Variants in GLYATL1 observed in about 807,000 individuals in gnomAD.
GLYATL1 encodes glycine N-acyltransferase-like protein 1.
In GLYATL1, 15 loss-of-function variants were observed where a neutral mutation model predicts 20.0. That is an observed-to-expected ratio of 0.75 (90% CI 0.50 to 1.15). The LOEUF is 1.15. Among genes scored for constraint, GLYATL1 ranks in the 50% most tolerant of loss-of-function variants. The pLI is 0.00. For missense variants in GLYATL1, 380 were observed against 368.5 expected (o/e 1.03, Z -0.26); for synonymous variants, 151 against 131.5 (o/e 1.15, Z -1.01).
At chr11:58,912,535 C>T (rs1006767464), downstream of GLYATL1, among the ~76,000 whole-genome samples, 4 of 152,220 alleles carry the variant, frequency 2.6e-5, no homozygotes, top group Admixed American at 6.5e-5. Context: ...CACAGATGTA[C>T]TCATGTCTCC....
chr11:58,956,181 C>G lies in GLYATL1; in HGVS notation c.*154C>G, dbSNP rs1433247436. The G allele has an allele frequency of 2.9e-6, 2 of 698,758 alleles. No individual in the cohort carries two copies. The highest frequency in any genetic ancestry group is 5.4e-5 in the East Asian group (2 of 36,946). 43.3% of individuals were successfully genotyped at this position (698,758 alleles called of 1,614,324 possible). On this transcript the variant is annotated 3_prime_UTR_variant, in exon 7 of 7. Coordinates refer to ENST00000532726, the MANE Select transcript of GLYATL1 (RefSeq NM_001389712.2). ...GAGCCTTGATGTTAAAAGACACAGCCATGCTCTTGAGGAGCTTACAATCCT... is the reference window on the plus strand; with the variant it reads ...GAGCCTTGATGTTAAAAGACACAGCGATGCTCTTGAGGAGCTTACAATCCT...
At position 58,955,945 on chromosome 11, in the gene GLYATL1, T is replaced by C; in HGVS notation, c.827T>C (p.Phe276Ser). 2 of 1,614,198 alleles carry C rather than the reference T, an allele frequency of 1.2e-6. No individual in the cohort carries two copies. Among genetic ancestry groups the C allele is most frequent in the East Asian group, 2.2e-5 (1 of 44,890 alleles). ...GAAGAAAATGAAGACTCCCGCAGAT[T>C]TGTGGGGCAGTTTGGTTTCTTTGAG... ...VLEENEDSRR[F>S]VGQFGFFEAS... is the part of the protein sequence containing the mutation. The change falls in exon 7 of 7, where the codon TTT becomes TCT. Residue 276 changes from phenylalanine (F) to serine (S), a missense_variant. Coordinates refer to ENST00000532726, the MANE Select transcript of GLYATL1 (RefSeq NM_001389712.2).
At chr11:58,953,129 G>A (rs1470581820) in intron 4 of GLYATL1, among the ~76,000 whole-genome samples, 1 of 152,132 alleles carries the variant, frequency 6.6e-6, no homozygotes, top group Non-Finnish European at 1.5e-5. Flanking sequence ...GTCCTTTGTA[G>A]CAACATGGCT....
chr11:58,940,464 C>G (rs56155456), intron 1 of GLYATL1, among the ~76,000 whole-genome samples: 25,693 of 151,950 alleles, frequency 0.17, 2,396 homozygotes, highest in East Asian at 0.31. Flanking sequence ...GTATGTATGT[C>G]TAGATGTGTT....
upstream of GLYATL1, among the ~76,000 whole-genome samples, chr11:58,924,549 T>G (rs1275167616): frequency 6.6e-6 from 1 of 152,250 alleles, no homozygotes; most frequent in Non-Finnish European, 1.5e-5. Context: ...GGCACCATTC[T>G]GAGTGAATCC....
chr11:58,943,949 T>A (rs1282180982), intron 2 of GLYATL1, among the ~76,000 whole-genome samples: 3 of 64,870 alleles, frequency 4.6e-5, no homozygotes. Context: ...CCCCTTTGTT[T>A]CTTTTCTTTT....
chr11:58,908,499 A>G lies in GLYATL1; in HGVS notation n.1497A>G, dbSNP rs193077472. The G allele has an allele frequency of 1.4e-5, 3 of 212,118 alleles. No homozygotes were observed. The East Asian group carries it at 3.4e-4, about 24-fold the overall frequency. 13.1% of individuals were successfully genotyped at this position (212,118 alleles called of 1,614,324 possible). A position where few individuals can be genotyped will look rare whatever the true frequency, so the allele number is the denominator to read the frequency against. On this transcript the variant is annotated non_coding_transcript_exon_variant, in exon 2 of 2. Transcript: ENST00000524629. ...CCATGAAGACTGAAGGGAACAAGTC[A>G]TTTAGTGCTACAGAGGATGACCAGA...
intron 1 of GLYATL1, among the ~76,000 whole-genome samples, chr11:58,929,437 C>T (rs1009612226): frequency 7.9e-5 from 12 of 152,142 alleles, no homozygotes; most frequent in Admixed American, 4.6e-4. Flanking sequence ...TTAAACCAAC[C>T]TTGCATAACT....
exon 2 of GLYATL1, chr11:58,907,531 AC>A: frequency 2.7e-6 from 1 of 363,878 alleles, no homozygotes; most frequent in South Asian, 2.1e-5. Flanking sequence ...AGTCCCTGTT[AC>A]TCCATTTTGG....
chr11:58,929,838 C>T (rs1468223323), intron 1 of GLYATL1, among the ~76,000 whole-genome samples: 1 of 152,192 alleles, frequency 6.6e-6, no homozygotes, highest in African/African-American at 2.4e-5. Flanking sequence ...TTCCTCAACT[C>T]AGTTGCAAAT....
chr11:58,917,387 G>A (rs537471634), intron 1 of GLYATL1: 1 of 152,346 alleles, frequency 6.6e-6, no homozygotes, highest in Admixed American at 6.5e-5. Flanking sequence ...ACTGGTCCCA[G>A]AACAAAGACA....
At chr11:58,915,065 T>G (rs1458716206) in intron 1 of GLYATL1, among the ~76,000 whole-genome samples, 2 of 152,192 alleles carry the variant, frequency 1.3e-5, no homozygotes, top group African/African-American at 4.8e-5. Flanking sequence ...TTCCCCTTTA[T>G]TATTCCTCAG....
chr11:58,909,481 C>G (rs921193305), downstream of GLYATL1, among the ~76,000 whole-genome samples: 12 of 152,140 alleles, frequency 7.9e-5, no homozygotes, highest in Non-Finnish European at 1.3e-4. Flanking sequence ...GATAATGTAT[C>G]TCCACACTCA....
At chr11:58,943,777 G>T in intron 2 of GLYATL1, 111 bp downstream of exon 2, 15 of 1,470,208 alleles carry the variant, frequency 1.0e-5, no homozygotes, top group Non-Finnish European at 1.4e-5. Flanking sequence ...ACAGGAAACA[G>T]ACTGGGTCTA....
chr11:58,952,333 T>C (rs1386792438), intron 4 of GLYATL1, among the ~76,000 whole-genome samples: 2 of 152,226 alleles, frequency 1.3e-5, no homozygotes, highest in Non-Finnish European at 2.9e-5. Flanking sequence ...CAACTGTTCA[T>C]ATTCACATTT....
chr11:58,955,047 G>C, intron 5 of GLYATL1, 129 bp from the exon 6 acceptor site: 1 of 1,209,278 alleles, frequency 8.3e-7, no homozygotes, highest in Non-Finnish European at 1.2e-6. Flanking sequence ...GGTGTGACAA[G>C]GACTCCATCT....
chr11:58,926,598 C>A (rs1380199391), upstream of GLYATL1, among the ~76,000 whole-genome samples: 1 of 152,088 alleles, frequency 6.6e-6, no homozygotes, highest in Non-Finnish European at 1.5e-5. Flanking sequence ...TTTACCAGAC[C>A]CATCAGTAAA....
In GLYATL1 at chr11:58,955,363, C is replaced by T. The variant is rs1333645819; in HGVS notation, c.491+10C>T. 1.2e-6 allele frequency: 2 copies of T among 1,606,922 alleles called. No individual in the cohort carries two copies. The highest frequency in any genetic ancestry group is 1.7e-5 in the Admixed American group (1 of 58,740). On this transcript the variant is annotated intron_variant, in intron 6 of 6. Coordinates refer to ENST00000532726, the MANE Select transcript of GLYATL1 (RefSeq NM_001389712.2). ...ATGATGAATTTGAAAGGTACAAAAA[C>T]ATGTGCTGATCATTTATAATTGCGA...
rs1855468124 is a variant in GLYATL1 at position 58,927,869 on chromosome 11, AT to A, written c.-212+42del. The stretch of plus-strand genomic sequence containing the variant: ...TCCTCTCTGTTAATTCCGCCTGGTG[AT>A]TAGGGCCCAGGGAAGACGAGGTGAT... On this transcript the variant is annotated intron_variant, in intron 1 of 7. Coordinates refer to the GLYATL1 transcript ENST00000317391. The A allele has an allele frequency of 2.0e-5, 3 of 152,258 alleles. No homozygotes were observed. The South Asian group carries it at 6.2e-4, about 32-fold the overall frequency. 9.4% of individuals were successfully genotyped at this position (152,258 alleles called of 1,614,324 possible). A position where few individuals can be genotyped will look rare whatever the true frequency, so the allele number is the denominator to read the frequency against.
Sources: allele counts gnomAD v4.1 joint callset (sites outside exome capture counted in the v4.1 genomes callset), GRCh38; gene constraint gnomAD v4.1.1; transcripts MANE v1.5; gene names NCBI Gene and HGNC (gene_info 2026-07-23, HGNC 2026-07-21).